Variants in TNNI3K observed in about 807,000 individuals in gnomAD.
The protein encoded by TNNI3K is TNNI3 interacting kinase, also known as serine/threonine-protein kinase TNNI3K.
In TNNI3K, 140 loss-of-function variants were observed where a neutral mutation model predicts 114.5. The ratio of observed to expected loss-of-function variants is 1.22; its 90% confidence interval spans 1.07 to 1.41. The LOEUF (loss-of-function observed/expected upper bound fraction) is 1.41, where lower values mean the gene tolerates loss of function less well. TNNI3K is among the 40% of genes most tolerant of loss of function. The pLI is 0.00. For synonymous variants in TNNI3K, 347 were observed against 347.5 expected (o/e 1.00, Z 0.02); for missense variants, 1,125 against 1,007.6 (o/e 1.12, Z -1.58).
intron 5 of TNNI3K, among the ~76,000 whole-genome samples, chr1:74,302,815 G>A (rs1467011498): frequency 2.0e-5 from 3 of 152,210 alleles, no homozygotes; most frequent in Non-Finnish European, 4.4e-5. Flanking sequence ...GCAAGGTGAA[G>A]CAACAAGTGC....
chr1:74,353,730 A>G (rs1274270180), intron 10 of TNNI3K, among the ~76,000 whole-genome samples: 2 of 151,842 alleles, frequency 1.3e-5, no homozygotes, highest in Non-Finnish European at 2.9e-5. Context: ...ATTACAGTGG[A>G]TGTAGAAATA....
At chr1:74,402,010 T>C (rs1190999317) in intron 17 of TNNI3K, 1 of 267,272 alleles carries the variant, frequency 3.7e-6, no homozygotes, top group African/African-American at 2.3e-5. Context: ...ATTTTGAATA[T>C]TGAATAATAA....
At chr1:74,409,901 C>T (rs1396440442) in intron 17 of TNNI3K, among the ~76,000 whole-genome samples, 1 of 152,040 alleles carries the variant, frequency 6.6e-6, no homozygotes, top group Non-Finnish European at 1.5e-5. Context: ...AAGTTAGTGA[C>T]TTTACTATGA....
rs74599296 is a variant in TNNI3K at position 74,504,934 on chromosome 1, C to T, written c.2351+12668C>T. Among the ~76,000 whole-genome samples the T allele has an allele frequency of 5.5e-3, 841 of 152,256 alleles. 9 individuals are homozygous for T. The highest frequency in any genetic ancestry group is 0.02 in the African/African-American group (811 of 41,536). On this transcript the variant is annotated intron_variant, in intron 23 of 24. Coordinates refer to ENST00000326637, the MANE Select transcript of TNNI3K (RefSeq NM_015978.3). Reference sequence around the variant, plus strand: ...TTCCCAGCCACATGAAGAGAACCTGCGAAGATTCGCCGGAGGCAAACTGCT... The same window carrying T: ...TTCCCAGCCACATGAAGAGAACCTGTGAAGATTCGCCGGAGGCAAACTGCT...
intron 5 of TNNI3K, among the ~76,000 whole-genome samples, chr1:74,290,337 C>G (rs1361447180): frequency 6.6e-6 from 1 of 150,964 alleles, no homozygotes; most frequent in Admixed American, 6.6e-5. Flanking sequence ...TTGAAAAAAA[C>G]CCAGCACCAA....
At chr1:74,497,097 T>G (rs1006009227) in intron 23 of TNNI3K, among the ~76,000 whole-genome samples, 1 of 152,186 alleles carries the variant, frequency 6.6e-6, no homozygotes, top group Non-Finnish European at 1.5e-5. Flanking sequence ...GCACTTAGAA[T>G]GGAATGCAGT....
intron 21 of TNNI3K, among the ~76,000 whole-genome samples, chr1:74,484,242 A>G (rs1021765167): frequency 4.0e-5 from 6 of 151,640 alleles, no homozygotes; most frequent in South Asian, 2.1e-4. Context: ...GCAAATTATA[A>G]TAAAACCCTC....
chr1:74,237,810 CT>C (rs1399142647), intron 2 of TNNI3K, among the ~76,000 whole-genome samples: 1 of 151,944 alleles, frequency 6.6e-6, no homozygotes, highest in Admixed American at 6.6e-5. Context: ...AAGTGTTGTT[CT>C]GGATACATCA....
intron 16 of TNNI3K, chr1:74,369,937 T>C (rs1323526777): frequency 4.2e-6 from 1 of 240,406 alleles, no homozygotes; most frequent in East Asian, 8.5e-5. Context: ...ACAAATCCAA[T>C]GTGAATTCAC....
At chr1:74,527,242 G>A (rs1234443665) in intron 23 of TNNI3K, among the ~76,000 whole-genome samples, 1 of 152,170 alleles carries the variant, frequency 6.6e-6, no homozygotes, top group Non-Finnish European at 1.5e-5. Context: ...AGTGGCTAAA[G>A]AAATGAAAGG....
intron 5 of TNNI3K, among the ~76,000 whole-genome samples, chr1:74,306,414 C>A (rs575211547): frequency 1.3e-5 from 2 of 152,328 alleles, no homozygotes; most frequent in South Asian, 2.1e-4. Context: ...ATTGCTGGAT[C>A]AAATGGTAGT....
chr1:74,253,727 C>T (rs900577832), intron 4 of TNNI3K, among the ~76,000 whole-genome samples: 1 of 152,140 alleles, frequency 6.6e-6, no homozygotes, highest in Non-Finnish European at 1.5e-5. Context: ...GCCCGTGCCT[C>T]TCCCTCCACA....
At chr1:74,268,290 G>T (rs1240090201) in intron 4 of TNNI3K, among the ~76,000 whole-genome samples, 1 of 151,884 alleles carries the variant, frequency 6.6e-6, no homozygotes, top group African/African-American at 2.4e-5. Flanking sequence ...TTAAGGCGAT[G>T]TTTTTCCTAT....
intron 23 of TNNI3K, among the ~76,000 whole-genome samples, chr1:74,532,932 TTAAACGCTAGACC>T (rs1166473376): frequency 6.6e-6 from 1 of 152,164 alleles, no homozygotes; most frequent in Non-Finnish European, 1.5e-5. Flanking sequence ...GATTAAAGAC[TTAAACGCTAGACC>T]TAAAACCATA....
At chr1:74,349,324 C>T (rs1347099468) in intron 9 of TNNI3K, among the ~76,000 whole-genome samples, 1 of 152,182 alleles carries the variant, frequency 6.6e-6, no homozygotes, top group Non-Finnish European at 1.5e-5. Context: ...ATGAAGCCCA[C>T]TTGATCATGG....
intron 5 of TNNI3K, among the ~76,000 whole-genome samples, chr1:74,281,552 A>G (rs992437915): frequency 6.6e-6 from 1 of 152,124 alleles, no homozygotes; most frequent in South Asian, 2.1e-4. Flanking sequence ...TGTCCCCATT[A>G]TATTGAGTCT....
chr1:74,479,002 G>A (rs1166514483), intron 21 of TNNI3K, among the ~76,000 whole-genome samples: 1 of 152,076 alleles, frequency 6.6e-6, no homozygotes, highest in Non-Finnish European at 1.5e-5. Flanking sequence ...CCTGATGCTG[G>A]TCTCCATCTA....
rs1160134121 is a variant in TNNI3K at position 74,336,125 on chromosome 1, A to G, written c.658A>G (p.Met220Val). 6.2e-7 allele frequency: 1 copy of G among 1,604,346 alleles called. No homozygotes were observed. The highest frequency in any genetic ancestry group is 8.5e-7 in the Non-Finnish European group (1 of 1,177,434). The change falls in exon 7 of 25, where the codon ATG (methionine) becomes GTG (valine). Residue 220 changes from methionine to valine, a missense_variant. By Grantham distance (21) the Met-to-Val change is conservative. Transcript: ENST00000326637. ...KGFLNIAKLL[M>V]EEGSKADVNA... ...ATTCTTGAATATTGCAAAACTCTTG[A>G]TGGAAGAAGGCAGCAAAGCAGATGG... is the stretch of plus-strand genomic sequence containing the variant.
rs531527302 is a variant in TNNI3K at position 74,337,878 on chromosome 1, G to A, written c.682+1729G>A. 5.3e-5 allele frequency among the ~76,000 whole-genome samples: 8 copies of A among 152,126 alleles called. No individual in the cohort carries two copies. In the East Asian group the frequency reaches 7.7e-4, roughly 15 times the overall value. ...ATATATCCATGTTGTTGTATGGATC[G>A]TAGTTTGTTCTTTTATATTGTTTAT... On this transcript the variant is annotated intron_variant, in intron 7 of 24. Coordinates refer to ENST00000326637, the MANE Select transcript of TNNI3K (RefSeq NM_015978.3).
Sources: allele counts gnomAD v4.1 joint callset (sites outside exome capture counted in the v4.1 genomes callset), GRCh38; gene constraint gnomAD v4.1.1; transcripts MANE v1.5; gene names NCBI Gene and HGNC (gene_info 2026-07-23, HGNC 2026-07-21).